Variants in RGL1 observed in about 807,000 individuals in gnomAD.
The protein encoded by RGL1 is ral guanine nucleotide dissociation stimulator-like 1.
RGL1 carries 24 observed loss-of-function variants against 95.2 expected under a neutral mutation model. The ratio of observed to expected loss-of-function variants is 0.25; its 90% CI spans 0.18 to 0.35. The LOEUF (loss-of-function observed/expected upper bound fraction) is 0.35. Ranked by LOEUF, RGL1 falls within the 10% of genes least tolerant of loss-of-function variation. The probability of loss-of-function intolerance (pLI) is 1.00; values close to 1 mark genes in which losing one functional copy is unlikely to be tolerated. For missense variants in RGL1, 715 were observed against 936.3 expected (o/e 0.76, Z 3.08); for synonymous variants, 329 against 344.9 (o/e 0.95, Z 0.51).
intron 2 of RGL1, among the ~76,000 whole-genome samples, chr1:183,815,365 G>C (rs565008648): frequency 2.0e-5 from 3 of 152,296 alleles, no homozygotes; most frequent in African/African-American, 7.2e-5. Flanking sequence ...TGAAGCATTT[G>C]GTTAGTTTGT....
chr1:183,874,289 C>T (rs139263564), intron 4 of RGL1, among the ~76,000 whole-genome samples: 1 of 152,280 alleles, frequency 6.6e-6, no homozygotes. Flanking sequence ...GCCTTAACCT[C>T]TGTGCTGCAT....
At chr1:183,726,998 C>T (rs888361866) in intron 1 of RGL1, among the ~76,000 whole-genome samples, 1 of 152,094 alleles carries the variant, frequency 6.6e-6, no homozygotes, top group South Asian at 2.1e-4. Flanking sequence ...AGGAGAAATA[C>T]TTTTATTTTA....
chr1:183,795,061 G>T (rs1025767715), intron 2 of RGL1, among the ~76,000 whole-genome samples: 2 of 152,102 alleles, frequency 1.3e-5, no homozygotes, highest in Non-Finnish European at 2.9e-5. Flanking sequence ...TTGAGACAGG[G>T]TCTTGCTGCA....
At chr1:183,726,357 G>A (rs1656311807) in intron 1 of RGL1, among the ~76,000 whole-genome samples, 1 of 151,866 alleles carries the variant, frequency 6.6e-6, no homozygotes, top group Non-Finnish European at 1.5e-5. Flanking sequence ...TGAAAGATCA[G>A]TATAATAGAT....
At chr1:183,897,466 T>TC (rs1165333085) in intron 9 of RGL1, among the ~76,000 whole-genome samples, 1 of 152,100 alleles carries the variant, frequency 6.6e-6, no homozygotes, top group Non-Finnish European at 1.5e-5. Context: ...GGAGAATCAC[T>TC]TGAACCTGGG....
chr1:183,906,940 A>G (rs1233942993), intron 13 of RGL1, 72 bp from the exon 14 acceptor site: 5 of 839,480 alleles, frequency 6.0e-6, no homozygotes, highest in African/African-American at 5.0e-5. Flanking sequence ...CAAAACCAGG[A>G]CATCATGTGA....
At chr1:183,751,843 C>T (rs1443452456) in intron 2 of RGL1, among the ~76,000 whole-genome samples, 1 of 152,114 alleles carries the variant, frequency 6.6e-6, no homozygotes, top group African/African-American at 2.4e-5. Context: ...TGAGCTGACG[C>T]CCCACCCTGC....
chr1:183,666,196 G>T (rs1199572991), intron 1 of RGL1, among the ~76,000 whole-genome samples: 2 of 151,544 alleles, frequency 1.3e-5, no homozygotes, highest in Non-Finnish European at 1.5e-5. Flanking sequence ...GTAGAGACAG[G>T]GTTTCTCCAT....
At chr1:183,713,184 C>A (rs1327946362) in intron 1 of RGL1, among the ~76,000 whole-genome samples, 1 of 152,084 alleles carries the variant, frequency 6.6e-6, no homozygotes, top group East Asian at 1.9e-4. Context: ...TACCACAATG[C>A]ATGGCTAATT....
At chr1:183,896,683 C>CT (rs1319432330) in intron 9 of RGL1, among the ~76,000 whole-genome samples, 1 of 152,080 alleles carries the variant, frequency 6.6e-6, no homozygotes, top group Non-Finnish European at 1.5e-5. Context: ...GTGCAATTTA[C>CT]CCCCCCATTC....
intron 1 of RGL1, among the ~76,000 whole-genome samples, chr1:183,718,703 T>A (rs992687354): frequency 6.6e-6 from 1 of 151,640 alleles, no homozygotes; most frequent in African/African-American, 2.4e-5. Flanking sequence ...GATCACAAGG[T>A]CAGGAGTTCG....
chr1:183,736,818 G>A (rs1356425173), intron 1 of RGL1, among the ~76,000 whole-genome samples: 1 of 152,168 alleles, frequency 6.6e-6, no homozygotes, highest in African/African-American at 2.4e-5. Flanking sequence ...AGGAAAATAA[G>A]CAGAAATATT....
At chr1:183,727,604 G>GT (rs1486547150) in intron 1 of RGL1, among the ~76,000 whole-genome samples, 4 of 152,242 alleles carry the variant, frequency 2.6e-5, no homozygotes, top group African/African-American at 9.6e-5. Context: ...TGCCAGTGCA[G>GT]TAAGACGAGG....
chr1:183,769,685 C>T (rs960502361), intron 2 of RGL1, among the ~76,000 whole-genome samples: 9 of 152,250 alleles, frequency 5.9e-5, no homozygotes, highest in Non-Finnish European at 8.8e-5. Flanking sequence ...TTTACAAACA[C>T]GTTCACGTGG....
intron 1 of RGL1, among the ~76,000 whole-genome samples, chr1:183,650,261 C>T (rs573661697): frequency 8.5e-4 from 118 of 138,750 alleles, no homozygotes; most frequent in African/African-American, 2.7e-3. Flanking sequence ...AAATAATATT[C>T]GGCCAGGCGT....
chr1:183,748,501 GT>G (rs1160347858), intron 2 of RGL1, among the ~76,000 whole-genome samples: 1 of 144,800 alleles, frequency 6.9e-6, no homozygotes, highest in African/African-American at 2.6e-5. Flanking sequence ...TGCCTCCTGG[GT>G]TCACACCATT....
At chr1:183,846,045 A>G (rs770089137) in intron 2 of RGL1, among the ~76,000 whole-genome samples, 3 of 152,256 alleles carry the variant, frequency 2.0e-5, no homozygotes, top group Non-Finnish European at 2.9e-5. Context: ...ATTACTGGGT[A>G]TATACCCAAA....
chr1:183,912,489 AT>A (rs1668706523), intron 15 of RGL1, among the ~76,000 whole-genome samples: 1 of 152,216 alleles, frequency 6.6e-6, no homozygotes, highest in African/African-American at 2.4e-5. Flanking sequence ...GGCCTTTGAA[AT>A]ATTGTTCTAT....
intron 1 of RGL1, chr1:183,648,712 A>G (rs1650501038): frequency 1.2e-6 from 2 of 1,614,024 alleles, no homozygotes; most frequent in Non-Finnish European, 1.7e-6. Flanking sequence ...TCGAGAGAGA[A>G]GCTTAGCCAG....
Sources: gnomAD v4.1 joint callset for allele counts (sites outside exome capture counted in the v4.1 genomes callset) on GRCh38, gnomAD v4.1.1 for gene constraint, MANE v1.5 for transcripts, NCBI Gene and HGNC (gene_info 2026-07-23, HGNC 2026-07-21) for gene names.